RNF43: variants seen among roughly 807,000 people sequenced by gnomAD.
The protein encoded by RNF43 is E3 ubiquitin-protein ligase RNF43.
RNF43 carries 37 observed loss-of-function variants against 78.4 expected under a neutral mutation model. That is an observed-to-expected ratio of 0.47 (90% confidence interval 0.36 to 0.62). RNF43 has a LOEUF of 0.62. Ranked by LOEUF, RNF43 falls within the 20% of genes least tolerant of loss-of-function variation. RNF43 has a pLI of 0.00. For synonymous variants in RNF43, 347 were observed against 395.0 expected (o/e 0.88, Z 1.44); for missense variants, 774 against 1,007.9 (o/e 0.77, Z 3.14).
At chr17:58,362,438 T>C in intron 6 of RNF43, 106 bp downstream of exon 6, 2 of 716,514 alleles carry the variant, frequency 2.8e-6, no homozygotes, top group Non-Finnish European at 4.5e-6. Context: ...TGTAAATGGT[T>C]CCATAGGTAT....
At position 58,358,452 on chromosome 17, in the gene RNF43, CAG is replaced by C; in HGVS notation, c.1322_1323del (p.Pro441ArgfsTer24). The C allele has an allele frequency of 6.2e-7, 1 of 1,613,980 alleles. No individual in the cohort carries two copies. Among genetic ancestry groups the C allele is most frequent in the Non-Finnish European group, 8.5e-7 (1 of 1,179,948 alleles). Reference sequence around the variant, plus strand: ...TAGCTTTCTCCAGATCCACTGCTGTCAGGGGGCCTGGCCCGGCGTAGGGGCAC... The same window carrying C: ...TAGCTTTCTCCAGATCCACTGCTGTCGGGGCCTGGCCCGGCGTAGGGGCAC... ...CPVPLRRARP[P>X]DSSGSGESYC... On this transcript the variant is annotated frameshift_variant, in exon 9 of 10. Coordinates refer to ENST00000407977, the MANE Select transcript of RNF43 (RefSeq NM_017763.6). LOFTEE classifies it high-confidence loss of function. This position sits in a 1 kb window ranked among gnomAD's most constrained non-coding sequence, Gnocchi z 6.2.
chr17:58,355,008 G>A (rs1274276631), intron 9 of RNF43, 22 bp from the exon 10 acceptor site: 3 of 1,612,068 alleles, frequency 1.9e-6, no homozygotes, highest in African/African-American at 1.3e-5. Flanking sequence ...GAGCGGGGAG[G>A]AAAGAGGTCA....
chr17:58,413,195 C>T (rs1036216581), intron 2 of RNF43, among the ~76,000 whole-genome samples: 1 of 152,098 alleles, frequency 6.6e-6, no homozygotes, highest in African/African-American at 2.4e-5. Context: ...GAAGTGTAAA[C>T]CATGTGTCCC....
intron 2 of RNF43, 120 bp from the exon 3 acceptor site, chr17:58,371,153 G>C (rs1358065214): frequency 2.0e-6 from 2 of 1,006,626 alleles, no homozygotes; most frequent in Admixed American, 2.9e-5. Context: ...TGCTGTAAAA[G>C]AGTAGGCCTT....
intron 2 of RNF43, among the ~76,000 whole-genome samples, chr17:58,396,283 C>CA (rs1176511248): frequency 1.3e-5 from 2 of 151,936 alleles, no homozygotes; most frequent in Admixed American, 1.3e-4. Flanking sequence ...AAATAAGAGA[C>CA]AAAAAACAGA....
intron 2 of RNF43, among the ~76,000 whole-genome samples, chr17:58,397,786 C>T (rs913631797): frequency 4.6e-5 from 7 of 152,086 alleles, no homozygotes; most frequent in African/African-American, 1.4e-4. Flanking sequence ...TCCTACTCCC[C>T]GCTTTAGGCT....
Position 58,354,848 on chromosome 17 carries a change from T to C in RNF43, c.*95A>G. ...GTACGGCAAAAAGAATGGTGTTTGC[T>C]GTGGTCCTTTCCTTTCCCAGGAGCA... On this transcript the variant is annotated 3_prime_UTR_variant, in exon 10 of 10. Transcript: ENST00000407977. The C allele has an allele frequency of 9.1e-7, 1 of 1,099,018 alleles. No individual in the cohort carries two copies. The highest frequency in any genetic ancestry group is 1.4e-6 in the Non-Finnish European group (1 of 712,904). The allele number at this position is 1,099,018 out of a possible 1,614,324, so 68.1% of individuals were successfully genotyped here. A position where few individuals can be genotyped will look rare whatever the true frequency, so the allele number is the denominator to read the frequency against.
chr17:58,385,699 G>A (rs1192532105), intron 2 of RNF43, among the ~76,000 whole-genome samples: 2 of 152,014 alleles, frequency 1.3e-5, no homozygotes, highest in East Asian at 3.9e-4. Context: ...TCAAGGCCTC[G>A]GTGCTCTGTA....
intron 2 of RNF43, among the ~76,000 whole-genome samples, chr17:58,394,545 T>C (rs1973633086): frequency 6.6e-6 from 1 of 152,216 alleles, no homozygotes; most frequent in Non-Finnish European, 1.5e-5. Flanking sequence ...AACCAGATAG[T>C]TGAACAATCC....
chr17:58,405,404 C>T (rs1221653087), intron 2 of RNF43, among the ~76,000 whole-genome samples: 1 of 152,068 alleles, frequency 6.6e-6, no homozygotes, highest in Non-Finnish European at 1.5e-5. Context: ...TAACTTTAAG[C>T]TACTTGAAGT....
At chr17:58,367,865 T>C (rs772609767) in intron 3 of RNF43, among the ~76,000 whole-genome samples, 126 of 152,358 alleles carry the variant, frequency 8.3e-4, no homozygotes, top group Non-Finnish European at 1.3e-3. Context: ...GTGATGATGA[T>C]AGTAATGATA....
At chr17:58,410,924 C>T (rs1208243313) in intron 2 of RNF43, among the ~76,000 whole-genome samples, 1 of 152,142 alleles carries the variant, frequency 6.6e-6, no homozygotes, top group Non-Finnish European at 1.5e-5. Flanking sequence ...CTGATATTCT[C>T]TTCATCTGTG....
chr17:58,360,239 T>C lies in RNF43; in HGVS notation c.862A>G (p.Ile288Val). The C allele has an allele frequency of 6.2e-7, 1 of 1,613,964 alleles. No individual in the cohort carries two copies. The highest frequency in any genetic ancestry group is 8.5e-7 in the Non-Finnish European group (1 of 1,179,860). ...EFSEGQELRVISCLHEFHRNC... is the reference protein window; with the variant it reads ...EFSEGQELRVVSCLHEFHRNC... ...CGATGGAACTCATGGAGGCAGGAAA[T>C]GACCCGTAGCTCCTGGAGAAAAAGA... The change falls in exon 8 of 10, where the codon ATT becomes GTT. Residue 288 changes from isoleucine (I) to valine (V), a missense_variant. Physicochemically the swap from Ile to Val is conservative, Grantham distance 29 (BLOSUM62 3). Transcript: ENST00000407977. The surrounding 1 kb of genome is among the most constrained non-coding windows in gnomAD (Gnocchi z 4.3).
intron 3 of RNF43, among the ~76,000 whole-genome samples, chr17:58,370,662 AGT>A (rs1428967605): frequency 6.6e-6 from 1 of 152,144 alleles, no homozygotes; most frequent in Admixed American, 6.5e-5. Flanking sequence ...GGAACTCCCA[AGT>A]GATGGGAAGG....
chr17:58,382,367 A>AATATATTTGGTGGTTGCTCTGTCAT (rs1472870067), intron 2 of RNF43, among the ~76,000 whole-genome samples: 1 of 152,156 alleles, frequency 6.6e-6, no homozygotes, highest in Non-Finnish European at 1.5e-5. Flanking sequence ...TGTGAGGTAA[A>AATATATTTGGTGGTTGCTCTGTCAT]ATATATTTGG....
intron 2 of RNF43, among the ~76,000 whole-genome samples, chr17:58,395,810 A>T (rs1973667441): frequency 6.6e-6 from 1 of 152,202 alleles, no homozygotes; most frequent in South Asian, 2.1e-4. Flanking sequence ...TCCTCTAAGA[A>T]GCTGCCTCAC....
chr17:58,401,802 T>A (rs1248092694), intron 2 of RNF43, among the ~76,000 whole-genome samples: 1 of 143,436 alleles, frequency 7.0e-6, no homozygotes, highest in Non-Finnish European at 1.5e-5. Flanking sequence ...TTCAGTGAAT[T>A]TTATCCATAT....
At position 58,354,186 on chromosome 17, in the gene RNF43, A is replaced by G. The variant is rs1972635295; in HGVS notation, c.*757T>C. The G allele has an allele frequency of 4.9e-6, 1 of 204,458 alleles. No individual in the cohort carries two copies. The highest frequency in any genetic ancestry group is 6.0e-5 in the Admixed American group (1 of 16,768). 12.7% of individuals were successfully genotyped at this position (204,458 alleles called of 1,614,324 possible). ...TTCATTCCATCCTTCCTCTGCCCAG[A>G]TAAAGTCCAGCAGAAATTCCTCCTT... On this transcript the variant is annotated 3_prime_UTR_variant, in exon 10 of 10. Coordinates refer to ENST00000407977, the MANE Select transcript of RNF43 (RefSeq NM_017763.6).
intron 2 of RNF43, among the ~76,000 whole-genome samples, chr17:58,408,870 C>T (rs1455233722): frequency 6.6e-6 from 1 of 152,108 alleles, no homozygotes; most frequent in Non-Finnish European, 1.5e-5. Flanking sequence ...TACTTAGGTG[C>T]CATTCTCAGG....
Sources: gnomAD v4.1 joint callset for allele counts (sites outside exome capture counted in the v4.1 genomes callset) on GRCh38, gnomAD v4.1.1 for gene constraint, Gnocchi (gnomAD v3.1) non-coding constraint, MANE v1.5 for transcripts, NCBI Gene and HGNC (gene_info 2026-07-23, HGNC 2026-07-21) for gene names.